KIF1B: variants seen among roughly 807,000 people sequenced by gnomAD.
The protein encoded by KIF1B is kinesin-like protein KIF1B.
Under a neutral mutation model 241.9 loss-of-function variants are expected in KIF1B, and 76 were observed. The ratio of observed to expected loss-of-function variants is 0.31; its 90% CI spans 0.26 to 0.38. The LOEUF (loss-of-function observed/expected upper bound fraction) is 0.38, where lower values mean the gene tolerates loss of function less well. Among genes scored for constraint, KIF1B ranks in the 10% least tolerant of loss-of-function variants. The pLI is 1.00. For synonymous variants in KIF1B, 750 were observed against 796.7 expected (o/e 0.94, Z 0.99); for missense variants, 1,622 against 2,271.4 (o/e 0.71, Z 5.81).
chr1:10,221,670 T>C (rs1375275079), intron 1 of KIF1B, among the ~76,000 whole-genome samples: 1 of 152,162 alleles, frequency 6.6e-6, no homozygotes, highest in Non-Finnish European at 1.5e-5. Context: ...CAAAAGGGGA[T>C]CTCTAGCTAT....
chr1:10,291,926 A>G lies in KIF1B; in HGVS notation c.1515-121A>G, dbSNP rs559079651. On this transcript the variant is annotated intron_variant, in intron 16 of 48. Transcript: ENST00000676179. ...GATAAGCACATTATTTTATGTTTGCATTATTGGCTATAAACATGGCCAGTT... is the reference window on the plus strand; with the variant it reads ...GATAAGCACATTATTTTATGTTTGCGTTATTGGCTATAAACATGGCCAGTT... The G allele has an allele frequency of 3.8e-6, 3 of 781,494 alleles. No homozygotes were observed. The Admixed American group carries it at 5.9e-5, about 15-fold the overall frequency. 48.4% of individuals were successfully genotyped at this position (781,494 alleles called of 1,614,324 possible).
Position 10,303,613 on chromosome 1 carries a change from G to A in KIF1B, c.2115+6367G>A. ...GAAGATCGAAGACGTCATGGCCACTGGGAAAGGCAGCACTGATGTAGATGA... is the reference window on the plus strand; with the variant it reads ...GAAGATCGAAGACGTCATGGCCACTAGGAAAGGCAGCACTGATGTAGATGA... On this transcript the variant is annotated intron_variant, in intron 22 of 48. Transcript: ENST00000676179. The surrounding 1 kb of genome is among the most constrained non-coding windows in gnomAD (Gnocchi z 5.2). 6.2e-7 allele frequency: 1 copy of A among 1,614,208 alleles called. No individual in the cohort carries two copies. Among genetic ancestry groups the A allele is most frequent in the Non-Finnish European group, 8.5e-7 (1 of 1,180,048 alleles).
rs2102315971 is a variant in KIF1B, at chr1:10,337,257, T to C, written c.3259+54T>C. The C allele has an allele frequency of 6.2e-7, 1 of 1,613,696 alleles. No individual in the cohort carries two copies. Among genetic ancestry groups the C allele is most frequent in the Non-Finnish European group, 8.5e-7 (1 of 1,179,636 alleles). ...GGACATTTTCGACAAAGGGAAAATA[T>C]TGACCATTATCAAGGGACATAGTGG... is the stretch of plus-strand genomic sequence containing the variant. On this transcript the variant is annotated intron_variant, in intron 30 of 48. Transcript: ENST00000676179. This position sits in a 1 kb window ranked among gnomAD's most constrained non-coding sequence, Gnocchi z 4.0.
chr1:10,297,321 G>T (rs1191998831), intron 22 of KIF1B, 75 bp downstream of exon 22: 2 of 1,283,020 alleles, frequency 1.6e-6, no homozygotes, highest in African/African-American at 1.5e-5. Flanking sequence ...CCACAGAGCA[G>T]TACTCACCCA....
chr1:10,255,155 G>A (rs945700005), intron 2 of KIF1B, among the ~76,000 whole-genome samples: 3 of 151,858 alleles, frequency 2.0e-5, no homozygotes, highest in Admixed American at 1.3e-4. Flanking sequence ...CACCATGTTC[G>A]CCAGGCTAGT....
At chr1:10,373,953 G>A (rs1387922428) in intron 45 of KIF1B, among the ~76,000 whole-genome samples, 7 of 152,226 alleles carry the variant, frequency 4.6e-5, no homozygotes. Context: ...CTGGCTGGGA[G>A]CACACTTTGA....
At chr1:10,284,501 C>A (rs1649591644) in intron 15 of KIF1B, among the ~76,000 whole-genome samples, 1 of 152,036 alleles carries the variant, frequency 6.6e-6, no homozygotes, top group Non-Finnish European at 1.5e-5. Context: ...GCCTGGCCAA[C>A]ATGGTGAAAC....
At chr1:10,300,175 T>C (rs1472747844) in intron 22 of KIF1B, among the ~76,000 whole-genome samples, 1 of 150,940 alleles carries the variant, frequency 6.6e-6, no homozygotes, top group Non-Finnish European at 1.5e-5. Flanking sequence ...AGGCGGAGGT[T>C]GCAGTGAGCC....
At chr1:10,360,048 T>TA (rs202103894) in intron 38 of KIF1B, among the ~76,000 whole-genome samples, 2,900 of 151,172 alleles carry the variant, frequency 0.019, 43 homozygotes, top group Non-Finnish European at 0.028. Flanking sequence ...TAAAATAAAA[T>TA]AAAAAAATAA....
At position 10,271,170 on chromosome 1, in the gene KIF1B, C is replaced by CT. The variant is rs577076950; in HGVS notation, c.721-321dup. On this transcript the variant is annotated intron_variant, in intron 7 of 48. Coordinates refer to ENST00000676179, the MANE Select transcript of KIF1B (RefSeq NM_001365951.3). ...AATTGCTATGAATTTTGTGCATGCTCTTTTTTTTTTTAATTAAAAAAAATT... is the reference window on the plus strand; with the variant it reads ...AATTGCTATGAATTTTGTGCATGCTCTTTTTTTTTTTTAATTAAAAAAAATT... Among the ~76,000 whole-genome samples, 564 of 142,050 alleles carry CT rather than the reference C, an allele frequency of 4.0e-3. 6 individuals are homozygous for CT. Among genetic ancestry groups the CT allele is most frequent in the Non-Finnish European group, 3.9e-3 (250 of 64,730 alleles). The allele number at this position is 142,050 out of a possible 152,430, so 93.2% of individuals were successfully genotyped here.
intron 15 of KIF1B, among the ~76,000 whole-genome samples, chr1:10,289,555 A>G (rs1256558099): frequency 6.6e-6 from 1 of 152,044 alleles, no homozygotes; most frequent in African/African-American, 2.4e-5. Flanking sequence ...AGCACTTGCC[A>G]CTATCTGACA....
intron 1 of KIF1B, among the ~76,000 whole-genome samples, chr1:10,228,694 A>G (rs1343350405): frequency 1.3e-5 from 2 of 152,302 alleles, no homozygotes; most frequent in African/African-American, 4.8e-5. Context: ...TTTAAGGACT[A>G]TTGGATCAAA....
rs560873157 is a variant in KIF1B, at chr1:10,282,607, T to C, written c.1434+74T>C. On this transcript the variant is annotated intron_variant, in intron 15 of 48. Transcript: ENST00000676179. ...AGGAAGAACTAGGAGTAAAAATCAC[T>C]AAGATTTCGACTCAGCATATGGAGA... 22 of 1,254,210 alleles carry C rather than the reference T, an allele frequency of 1.8e-5. No individual in the cohort carries two copies. The Admixed American group carries it at 2.7e-4, about 15-fold the overall frequency. The allele number at this position is 1,254,210 out of a possible 1,614,324, so 77.7% of individuals were successfully genotyped here.
At chr1:10,221,289 C>G (rs1487024978) in intron 1 of KIF1B, among the ~76,000 whole-genome samples, 4 of 149,462 alleles carry the variant, frequency 2.7e-5, no homozygotes, top group Non-Finnish European at 6.0e-5. Flanking sequence ...GCAGAGATGG[C>G]ATTTCACCAT....
At chr1:10,372,698 C>T (rs1638777808) in intron 45 of KIF1B, among the ~76,000 whole-genome samples, 2 of 133,602 alleles carry the variant, frequency 1.5e-5, no homozygotes, top group African/African-American at 2.7e-5. Flanking sequence ...GGCGCAATCT[C>T]GGCTCACTGC....
chr1:10,323,841 CTTGCTGAAAACCAT>C (rs765004557), intron 24 of KIF1B, 29 bp from the exon 25 acceptor site: 2 of 1,540,446 alleles, frequency 1.3e-6, no homozygotes, highest in South Asian at 2.2e-5. Flanking sequence ...CTGAAGCTTG[CTTGCTGAAAACCAT>C]TTGTCAATGG....
chr1:10,321,620 A>G, intron 23 of KIF1B, 89 bp from the exon 24 acceptor site: 1 of 1,393,458 alleles, frequency 7.2e-7, no homozygotes, highest in Non-Finnish European at 1.0e-6. Context: ...AAAACACCTC[A>G]CCTTGGTAAA....
intron 38 of KIF1B, among the ~76,000 whole-genome samples, chr1:10,360,422 C>T (rs1231991266): frequency 2.6e-5 from 4 of 152,088 alleles, no homozygotes; most frequent in Non-Finnish European, 5.9e-5. Flanking sequence ...CAGTGGTTCA[C>T]GCCTGTAATC....
At chr1:10,315,415 A>G (rs1201888289) in intron 22 of KIF1B, among the ~76,000 whole-genome samples, 6 of 150,906 alleles carry the variant, frequency 4.0e-5, no homozygotes, top group Non-Finnish European at 8.8e-5. Context: ...ACCTCAGGTG[A>G]TCTGCCTGCC....
Sources: gnomAD v4.1 joint callset for allele counts (sites outside exome capture counted in the v4.1 genomes callset) on GRCh38, gnomAD v4.1.1 for gene constraint, Gnocchi (gnomAD v3.1) non-coding constraint, MANE v1.5 for transcripts, NCBI Gene and HGNC (gene_info 2026-07-23, HGNC 2026-07-21) for gene names.